The following CDKN2B-AS1 variants were observed in gnomAD, a reference collection of about 807,000 sequenced individuals.
The protein encoded by CDKN2B-AS1 is CDKN2B and CDKN2A antisense cis and trans regulatory RNA 1.
chr9:22,115,498 A>G (rs963520182), intron 4 of CDKN2B-AS1, among the ~76,000 whole-genome samples: 1 of 152,194 alleles, frequency 6.6e-6, no homozygotes, highest in African/African-American at 2.4e-5. Flanking sequence ...GATTCCGAAG[A>G]GAAACCTGAA....
At chr9:22,096,118 A>C (rs1487574228) in intron 4 of CDKN2B-AS1, among the ~76,000 whole-genome samples, 1 of 152,202 alleles carries the variant, frequency 6.6e-6, no homozygotes, top group Non-Finnish European at 1.5e-5. Flanking sequence ...ATCAGAGGGA[A>C]TAGCACATGT....
At chr9:22,012,219 C>T (rs1587396022) in intron 1 of CDKN2B-AS1, 3 of 1,409,942 alleles carry the variant, frequency 2.1e-6, no homozygotes, top group East Asian at 2.3e-5. Context: ...CCCAGTGACA[C>T]CATTGAGAAT....
chr9:22,045,119 T>G (rs1419439345), intron 1 of CDKN2B-AS1, among the ~76,000 whole-genome samples: 4 of 151,390 alleles, frequency 2.6e-5, no homozygotes, highest in African/African-American at 9.7e-5. Context: ...GGATTTGATT[T>G]TATAAACAGA....
intron 4 of CDKN2B-AS1, among the ~76,000 whole-genome samples, chr9:22,098,408 C>T (rs986290451): frequency 6.7e-6 from 1 of 149,044 alleles, no homozygotes; most frequent in Non-Finnish European, 1.5e-5. Context: ...TGGGAAATGC[C>T]ATGGGCAAGA....
At chr9:22,043,337 A>C (rs1484563978) in intron 1 of CDKN2B-AS1, among the ~76,000 whole-genome samples, 1 of 152,078 alleles carries the variant, frequency 6.6e-6, no homozygotes, top group Non-Finnish European at 1.5e-5. Context: ...ATGTTGAATA[A>C]GGTATGAATT....
At chr9:22,015,744 C>T (rs1821724314) in intron 1 of CDKN2B-AS1, among the ~76,000 whole-genome samples, 1 of 152,322 alleles carries the variant, frequency 6.6e-6, no homozygotes, top group East Asian at 1.9e-4. Context: ...CCGACTAACT[C>T]ATCATCTACC....
chr9:22,020,265 C>T (rs1007584538), intron 1 of CDKN2B-AS1, among the ~76,000 whole-genome samples: 2 of 152,162 alleles, frequency 1.3e-5, no homozygotes, highest in African/African-American at 4.8e-5. Flanking sequence ...TTTCTTTATC[C>T]AGTCTATCAC....
At chr9:22,038,752 A>T (rs1822788421) in intron 1 of CDKN2B-AS1, among the ~76,000 whole-genome samples, 1 of 152,058 alleles carries the variant, frequency 6.6e-6, no homozygotes, top group South Asian at 2.1e-4. Flanking sequence ...TTAATGACGG[A>T]GATAATGTCT....
intron 4 of CDKN2B-AS1, among the ~76,000 whole-genome samples, chr9:22,090,951 T>A (rs1191421275): frequency 6.6e-6 from 1 of 152,198 alleles, no homozygotes; most frequent in Non-Finnish European, 1.5e-5. Context: ...AGGGTTTTTA[T>A]GGTTTTAGGT....
intron 4 of CDKN2B-AS1, among the ~76,000 whole-genome samples, chr9:22,057,428 A>G (rs994936135): frequency 3.3e-5 from 5 of 152,232 alleles, no homozygotes; most frequent in African/African-American, 1.2e-4. Flanking sequence ...ATTTTAAGCC[A>G]AAGAATAAAG....
chr9:22,005,141 TGA>T lies in CDKN2B-AS1; in HGVS notation n.29+9981_29+9982del, dbSNP rs2131177430. On this transcript the variant is annotated intron_variant and non_coding_transcript_variant, in intron 1 of 4. Transcript: ENST00000650946. The surrounding 1 kb of genome is among the most constrained non-coding windows in gnomAD (Gnocchi z 4.9). ...GTGTGTGTGTGTGTGTGTGTGTGTG[TGA>T]AAGAAAACGTTACAGTTAACCGTTA... 4.3e-6 allele frequency: 1 copy of T among 231,142 alleles called. No homozygotes were observed. Among genetic ancestry groups the T allele is most frequent in the East Asian group, 6.0e-5 (1 of 16,546 alleles). The allele number at this position is 231,142 out of a possible 1,614,324, so 14.3% of individuals were successfully genotyped here.
At chr9:22,054,005 T>C (rs1417913412) in intron 3 of CDKN2B-AS1, among the ~76,000 whole-genome samples, 2 of 152,192 alleles carry the variant, frequency 1.3e-5, no homozygotes, top group Non-Finnish European at 2.9e-5. Context: ...CTGGGATAAG[T>C]TACTGACCCT....
chr9:22,127,030 G>A (rs1381652644), intron 4 of CDKN2B-AS1, among the ~76,000 whole-genome samples: 2 of 152,128 alleles, frequency 1.3e-5, no homozygotes, highest in African/African-American at 2.4e-5. Flanking sequence ...CTTTTTTGTT[G>A]TTTGACATAT....
chr9:22,003,143 C>G (rs1172585660), intron 1 of CDKN2B-AS1: 1 of 216,844 alleles, frequency 4.6e-6, no homozygotes, highest in Non-Finnish European at 9.3e-6. Flanking sequence ...TATTAGGCTG[C>G]TGATGAAACA....
At chr9:22,057,838 G>A (rs1823637034) in intron 4 of CDKN2B-AS1, among the ~76,000 whole-genome samples, 1 of 151,970 alleles carries the variant, frequency 6.6e-6, no homozygotes, top group African/African-American at 2.4e-5. Context: ...GTGATAGGCT[G>A]GGCAAGGTGG....
In CDKN2B-AS1 at chr9:22,001,526, A is replaced by G. The variant is rs1820918401; in HGVS notation, n.29+6365A>G. Among the ~76,000 whole-genome samples, 2 of 152,142 alleles carry G rather than the reference A, an allele frequency of 1.3e-5. No homozygotes were observed. Among genetic ancestry groups the G allele is most frequent in the African/African-American group, 2.4e-5 (1 of 41,448 alleles). On this transcript the variant is annotated intron_variant and non_coding_transcript_variant, in intron 1 of 4. Coordinates refer to ENST00000650946, the Ensembl canonical transcript of CDKN2B-AS1. This position sits in a 1 kb window ranked among gnomAD's most constrained non-coding sequence, Gnocchi z 4.2. ...TCAGGCTTGGTGCTTTTTGACCCAT[A>G]CATTAATTTTCATTACTGTGCTTAA...
Position 22,101,950 on chromosome 9 carries a change from A to G in CDKN2B-AS1, n.439-25153A>G, listed in dbSNP as rs145915550. ...ACTGTCTATGGCACATACCTTAAAT[A>G]CTGTTGGAAGGATCCGTTAGCTCCA... On this transcript the variant is annotated intron_variant and non_coding_transcript_variant, in intron 4 of 4. Coordinates refer to ENST00000650946, the Ensembl canonical transcript of CDKN2B-AS1. Among the ~76,000 whole-genome samples, 228 of 152,222 alleles carry G rather than the reference A, an allele frequency of 1.5e-3. 1 individual carries two copies. The highest frequency in any genetic ancestry group is 5.3e-3 in the African/African-American group (222 of 41,552).
chr9:22,043,003 T>G (rs953231847), intron 1 of CDKN2B-AS1, among the ~76,000 whole-genome samples: 12 of 152,154 alleles, frequency 7.9e-5, no homozygotes, highest in African/African-American at 2.7e-4. Context: ...ACACTGTTTA[T>G]GCAGGAATTG....
intron 4 of CDKN2B-AS1, among the ~76,000 whole-genome samples, chr9:22,115,431 G>A (rs775315769): frequency 6.6e-6 from 1 of 152,126 alleles, no homozygotes; most frequent in Admixed American, 6.6e-5. Context: ...TCAGAAGCGA[G>A]GGAGACTTAA....
Sources: gnomAD v4.1 joint callset for allele counts (sites outside exome capture counted in the v4.1 genomes callset) on GRCh38, gnomAD v4.1.1 for gene constraint, Gnocchi (gnomAD v3.1) non-coding constraint, MANE v1.5 for transcripts, NCBI Gene and HGNC (gene_info 2026-07-23, HGNC 2026-07-21) for gene names.